The following PSD3 variants were observed in gnomAD, a reference collection of about 807,000 sequenced individuals.
PSD3 encodes the protein PH and SEC7 domain-containing protein 3.
A neutral mutation model predicts 105.5 loss-of-function variants in PSD3; 49 were observed. That is an observed-to-expected ratio of 0.46 (90% CI 0.37 to 0.59). The LOEUF (loss-of-function observed/expected upper bound fraction) is 0.59, where lower values mean the gene tolerates loss of function less well. PSD3 is among the 20% of genes least tolerant of loss of function. The probability of loss-of-function intolerance (pLI) is 0.00; values close to 1 mark genes in which losing one functional copy is unlikely to be tolerated. For synonymous variants in PSD3, 557 were observed against 457.8 expected (o/e 1.22, Z -2.77); for missense variants, 1,561 against 1,263.8 (o/e 1.24, Z -3.57).
chr8:18,645,707 C>A (rs1807984186), intron 10 of PSD3, among the ~76,000 whole-genome samples: 1 of 152,074 alleles, frequency 6.6e-6, no homozygotes, highest in Admixed American at 6.6e-5. Flanking sequence ...ACAATGAGAA[C>A]ACTAAATCTC....
chr8:18,647,821 G>C (rs190753631), intron 10 of PSD3, among the ~76,000 whole-genome samples: 1 of 152,274 alleles, frequency 6.6e-6, no homozygotes, highest in African/African-American at 2.4e-5. Flanking sequence ...ATGATAGTGA[G>C]TGAGTGAGTT....
intron 6 of PSD3, among the ~76,000 whole-genome samples, chr8:18,803,765 C>T (rs2638649): frequency 1.3e-5 from 2 of 150,772 alleles, no homozygotes; most frequent in African/African-American, 2.5e-5. Context: ...TTGCCAGGGG[C>T]TGGGGGAAAG....
intron 1 of PSD3, among the ~76,000 whole-genome samples, chr8:18,984,168 A>T (rs1418683787): frequency 6.7e-6 from 1 of 150,216 alleles, no homozygotes; most frequent in East Asian, 2.0e-4. Context: ...TGCTCCACAC[A>T]AAGTTGCCAC....
intron 1 of PSD3, among the ~76,000 whole-genome samples, chr8:18,976,694 CTAA>C (rs1348296534): frequency 2.0e-5 from 3 of 152,162 alleles, no homozygotes; most frequent in South Asian, 2.1e-4. Context: ...CGCAGTATTA[CTAA>C]TAATAATATA....
At chr8:18,882,769 T>C (rs1179475003) in intron 2 of PSD3, among the ~76,000 whole-genome samples, 2 of 151,988 alleles carry the variant, frequency 1.3e-5, no homozygotes, top group East Asian at 1.9e-4. Flanking sequence ...ATACCATATA[T>C]AGCTAATACC....
chr8:18,709,221 C>A (rs963674989), intron 9 of PSD3, among the ~76,000 whole-genome samples: 1 of 152,148 alleles, frequency 6.6e-6, no homozygotes, highest in Non-Finnish European at 1.5e-5. Context: ...TGAAGCACAG[C>A]GACTGTGGCA....
At chr8:18,645,039 C>T (rs1807932284) in intron 10 of PSD3, among the ~76,000 whole-genome samples, 1 of 152,198 alleles carries the variant, frequency 6.6e-6, no homozygotes, top group African/African-American at 2.4e-5. Context: ...AGTTGGGGAT[C>T]ACAGTTGCTT....
At chr8:19,007,359 G>C (rs548898705) in intron 1 of PSD3, among the ~76,000 whole-genome samples, 1 of 152,192 alleles carries the variant, frequency 6.6e-6, no homozygotes, top group East Asian at 1.9e-4. Flanking sequence ...GTAGTTACTA[G>C]CGGCCTGAAG....
At chr8:18,823,098 GA>G (rs11327176) in intron 4 of PSD3, among the ~76,000 whole-genome samples, 121,976 of 139,324 alleles carry the variant, frequency 0.88, 53,752 homozygotes, top group Non-Finnish European at 0.95. Context: ...GGAGAGACAG[GA>G]AAAAAAAAAA....
intron 2 of PSD3, among the ~76,000 whole-genome samples, chr8:18,895,996 A>G (rs571042292): frequency 3.3e-4 from 50 of 152,274 alleles, no homozygotes; most frequent in African/African-American, 1.2e-3. Context: ...GCCTCTAGTA[A>G]CCACTATTCT....
intron 9 of PSD3, among the ~76,000 whole-genome samples, chr8:18,711,554 G>C (rs375601151): frequency 2.0e-5 from 3 of 152,212 alleles, no homozygotes; most frequent in South Asian, 4.2e-4. Flanking sequence ...AACGGTAAAG[G>C]ATGCAATTCA....
intron 4 of PSD3, among the ~76,000 whole-genome samples, chr8:18,844,056 C>T (rs1359805777): frequency 6.6e-6 from 1 of 151,918 alleles, no homozygotes. Context: ...TCTGGTCCCA[C>T]AAGACAGATG....
chr8:18,941,145 A>C (rs1175020054), intron 1 of PSD3, among the ~76,000 whole-genome samples: 2 of 152,228 alleles, frequency 1.3e-5, no homozygotes, highest in African/African-American at 4.8e-5. Flanking sequence ...TTACTAACTG[A>C]ATAAAATATA....
chr8:18,899,076 T>C (rs548156989), intron 2 of PSD3, among the ~76,000 whole-genome samples: 16 of 152,214 alleles, frequency 1.1e-4, no homozygotes, highest in South Asian at 1.0e-3. Flanking sequence ...TCTGGAATCA[T>C]GGGAACCATT....
intron 2 of PSD3, among the ~76,000 whole-genome samples, chr8:18,873,168 A>G (rs1817505921): frequency 6.6e-6 from 1 of 152,224 alleles, no homozygotes; most frequent in Admixed American, 6.5e-5. Context: ...TGTGCAGTGC[A>G]AGCTCCGAGA....
chr8:18,741,574 C>T (rs779717465), intron 9 of PSD3, among the ~76,000 whole-genome samples: 6 of 152,198 alleles, frequency 3.9e-5, no homozygotes, highest in Non-Finnish European at 7.3e-5. Flanking sequence ...ACCAACACTG[C>T]AGCTGTGCTA....
intron 2 of PSD3, among the ~76,000 whole-genome samples, chr8:18,911,535 T>C (rs142379579): frequency 2.0e-4 from 31 of 151,678 alleles, no homozygotes; most frequent in African/African-American, 7.5e-4. Context: ...AAAATGGGGG[T>C]GAGGGGAGAA....
At chr8:18,676,495 A>G (rs1251605076) in intron 9 of PSD3, among the ~76,000 whole-genome samples, 1 of 152,200 alleles carries the variant, frequency 6.6e-6, no homozygotes, top group Non-Finnish European at 1.5e-5. Context: ...CTCTGCTCTC[A>G]TAATGTTTAA....
chr8:18,618,229 G>A (rs1466947824), intron 11 of PSD3, among the ~76,000 whole-genome samples: 1 of 140,988 alleles, frequency 7.1e-6, no homozygotes, highest in African/African-American at 2.5e-5. Flanking sequence ...CCTGCTTCCA[G>A]GTGTCCTGCC....
Sources: gnomAD v4.1 joint callset for allele counts (sites outside exome capture counted in the v4.1 genomes callset) on GRCh38, gnomAD v4.1.1 for gene constraint, MANE v1.5 for transcripts, NCBI Gene and HGNC (gene_info 2026-07-23, HGNC 2026-07-21) for gene names.